Variants in SRRM4 observed in about 807,000 individuals in gnomAD.
SRRM4 encodes the protein serine/arginine repetitive matrix protein 4.
Under a neutral mutation model 68.9 loss-of-function variants are expected in SRRM4, and 33 were observed. That is an observed-to-expected ratio of 0.48 (90% CI 0.36 to 0.64). SRRM4 has a LOEUF of 0.64. Among genes scored for constraint, SRRM4 ranks in the 30% least tolerant of loss-of-function variants. The pLI, the probability that SRRM4 is intolerant of heterozygous loss-of-function variation, is 0.00. For synonymous variants in SRRM4, 318 were observed against 318.8 expected, an observed-to-expected ratio of 1.00 and a Z score of 0.03; for missense variants, 817 against 827.1, an observed-to-expected ratio of 0.99 and a Z score of 0.15.
At chr12:119,048,248 G>A (rs922380286) in intron 1 of SRRM4, among the ~76,000 whole-genome samples, 1 of 152,198 alleles carries the variant, frequency 6.6e-6, no homozygotes, top group Non-Finnish European at 1.5e-5. Context: ...GTAAAGCCAA[G>A]ACCCAGCTCT....
At chr12:119,126,555 A>G (rs1374331654) in intron 7 of SRRM4, among the ~76,000 whole-genome samples, 1 of 152,176 alleles carries the variant, frequency 6.6e-6, no homozygotes, top group Non-Finnish European at 1.5e-5. Flanking sequence ...ATGTAAACCC[A>G]AACAGTGCAA....
intron 8 of SRRM4, among the ~76,000 whole-genome samples, chr12:119,139,203 G>A (rs967025404): frequency 3.3e-5 from 5 of 152,200 alleles, no homozygotes; most frequent in Non-Finnish European, 7.3e-5. Context: ...ATGTGCCAGA[G>A]AGAGTGGCTG....
At chr12:119,146,702 C>T (rs555356739) in intron 9 of SRRM4, among the ~76,000 whole-genome samples, 5 of 152,098 alleles carry the variant, frequency 3.3e-5, no homozygotes, top group South Asian at 2.1e-4. Context: ...TTTGGGAGGC[C>T]GAGGCGGGTG....
At chr12:118,994,362 A>T (rs1262513366) in intron 1 of SRRM4, among the ~76,000 whole-genome samples, 2 of 151,962 alleles carry the variant, frequency 1.3e-5, no homozygotes, top group Non-Finnish European at 2.9e-5. Flanking sequence ...AGATGCTTTT[A>T]ATGTTTTCCA....
rs534870506 is a variant in SRRM4 at position 119,079,314 on chromosome 12, T to C, written c.132-22922T>C. ...AGCCACAGTCGGGAGTCTGAACTCT[T>C]CTTATCTCAAGAGGAATCCAAAGGA... On this transcript the variant is annotated intron_variant, in intron 1 of 12. Transcript: ENST00000267260. 2.6e-5 allele frequency among the ~76,000 whole-genome samples: 4 copies of C among 152,284 alleles called. No homozygotes were observed. In the South Asian group the frequency reaches 8.3e-4, roughly 32 times the overall value.
At chr12:119,003,035 C>T (rs1953394811) in intron 1 of SRRM4, among the ~76,000 whole-genome samples, 1 of 151,882 alleles carries the variant, frequency 6.6e-6, no homozygotes, top group Non-Finnish European at 1.5e-5. Context: ...GGTGACAACA[C>T]TCATTCAACG....
At chr12:119,052,512 T>A (rs1291675819) in intron 1 of SRRM4, among the ~76,000 whole-genome samples, 1 of 151,416 alleles carries the variant, frequency 6.6e-6, no homozygotes, top group African/African-American at 2.4e-5. Flanking sequence ...GTTGTTGTTG[T>A]TGTTGTTGTT....
At chr12:119,148,469 A>G (rs1213448718) in intron 9 of SRRM4, among the ~76,000 whole-genome samples, 1 of 152,252 alleles carries the variant, frequency 6.6e-6, no homozygotes, top group Non-Finnish European at 1.5e-5. Context: ...GAAAAATTGA[A>G]ATAGCAATAA....
intron 1 of SRRM4, among the ~76,000 whole-genome samples, chr12:119,057,843 C>A (rs958410566): frequency 6.6e-6 from 1 of 152,182 alleles, no homozygotes; most frequent in Admixed American, 6.5e-5. Flanking sequence ...TTCTCTGCAA[C>A]CGTGTCAACA....
At chr12:119,146,390 C>T (rs999302486) in intron 9 of SRRM4, among the ~76,000 whole-genome samples, 15 of 150,350 alleles carry the variant, frequency 1.0e-4, no homozygotes, top group Admixed American at 2.7e-4. Context: ...AGTTCGAGAC[C>T]GGCGTGACCA....
chr12:119,015,355 T>C (rs955437442), intron 1 of SRRM4, among the ~76,000 whole-genome samples: 7 of 152,204 alleles, frequency 4.6e-5, no homozygotes, highest in Admixed American at 1.3e-4. Context: ...CCCACTGCTA[T>C]TGACATTGCT....
At chr12:119,115,795 G>A (rs1354510697) in intron 3 of SRRM4, among the ~76,000 whole-genome samples, 4 of 152,176 alleles carry the variant, frequency 2.6e-5, no homozygotes. Flanking sequence ...GGGGACAAAT[G>A]TTATGATTCC....
chr12:119,041,990 TTAA>T (rs922286334), intron 1 of SRRM4, among the ~76,000 whole-genome samples: 16 of 152,250 alleles, frequency 1.1e-4, no homozygotes, highest in African/African-American at 3.9e-4. Context: ...CTTGGAAACT[TTAA>T]TGTCATTTGC....
intron 8 of SRRM4, 65 bp from the exon 9 acceptor site, chr12:119,145,316 G>T: frequency 1.5e-6 from 2 of 1,351,386 alleles, no homozygotes; most frequent in Non-Finnish European, 2.0e-6. Context: ...AACATTTCTT[G>T]GTTATTTAGA....
At chr12:119,014,606 T>C (rs895359280) in intron 1 of SRRM4, among the ~76,000 whole-genome samples, 3 of 152,310 alleles carry the variant, frequency 2.0e-5, no homozygotes, top group African/African-American at 7.2e-5. Flanking sequence ...TGCCACTCCA[T>C]GTTTTTAAAG....
intron 1 of SRRM4, among the ~76,000 whole-genome samples, chr12:119,095,744 A>G (rs886554257): frequency 8.6e-5 from 13 of 152,016 alleles, no homozygotes; most frequent in African/African-American, 2.2e-4. Context: ...AATTACCAAG[A>G]TTCCCCCTGT....
At chr12:119,058,533 T>A (rs1034429349) in intron 1 of SRRM4, among the ~76,000 whole-genome samples, 1 of 152,178 alleles carries the variant, frequency 6.6e-6, no homozygotes, top group Non-Finnish European at 1.5e-5. Context: ...GTACTTTGAG[T>A]CAAAAGTCCA....
intron 1 of SRRM4, among the ~76,000 whole-genome samples, chr12:119,073,307 C>G (rs1440063804): frequency 1.1e-5 from 1 of 91,022 alleles, no homozygotes; most frequent in Non-Finnish European, 2.2e-5. Context: ...CTCTCTCTCT[C>G]TCCTCTTTTT....
rs138271996 is a variant in SRRM4 at position 119,086,557 on chromosome 12, G to C, written c.132-15679G>C. ...GAGCAACCAGAGTGGTTGATGTTTT[G>C]CTCCCTGAAAAGGAGGATGCCATAG... On this transcript the variant is annotated intron_variant, in intron 1 of 12. Coordinates refer to ENST00000267260, the MANE Select transcript of SRRM4 (RefSeq NM_194286.4). Among the ~76,000 whole-genome samples the C allele has an allele frequency of 3.3e-5, 5 of 152,296 alleles. No individual in the cohort carries two copies. In the East Asian group the frequency reaches 9.7e-4, roughly 29 times the overall value.
Sources: gnomAD v4.1 joint callset for allele counts (sites outside exome capture counted in the v4.1 genomes callset) on GRCh38, gnomAD v4.1.1 for gene constraint, MANE v1.5 for transcripts, NCBI Gene and HGNC (gene_info 2026-07-23, HGNC 2026-07-21) for gene names.